Variants in KPNA5 observed in about 807,000 individuals in gnomAD.
KPNA5 encodes the protein importin subunit alpha-6.
A neutral mutation model predicts 71.3 loss-of-function variants in KPNA5; 46 were observed. The observed-to-expected ratio is 0.65, with a 90% CI of 0.51 to 0.83. The LOEUF is 0.83. KPNA5 is among the 40% of genes least tolerant of loss of function. The pLI is 0.00. For synonymous variants in KPNA5, 207 were observed against 201.4 expected (o/e 1.03, Z -0.24); for missense variants, 547 against 628.3 (o/e 0.87, Z 1.38).
At chr6:116,731,568 CTCA>C (rs1779483290) in intron 13 of KPNA5, among the ~76,000 whole-genome samples, 1 of 152,078 alleles carries the variant, frequency 6.6e-6, no homozygotes, top group African/African-American at 2.4e-5. Flanking sequence ...ATAGATTCTT[CTCA>C]TCTTTTCAAA....
At chr6:116,715,405 A>G (rs184283682) in intron 7 of KPNA5, among the ~76,000 whole-genome samples, 302 of 152,264 alleles carry the variant, frequency 2.0e-3, no homozygotes, top group Non-Finnish European at 2.8e-3. Flanking sequence ...GCTTTGAAAA[A>G]AATACCTATA....
At chr6:116,705,182 A>G (rs1186610459) in intron 7 of KPNA5, 22 bp downstream of exon 7, 8 of 1,518,870 alleles carry the variant, frequency 5.3e-6, no homozygotes, top group Non-Finnish European at 7.3e-6. Context: ...ATCACAATTA[A>G]GTATATATCA....
chr6:116,713,481 A>G (rs1050916859), intron 7 of KPNA5, among the ~76,000 whole-genome samples: 1 of 152,052 alleles, frequency 6.6e-6, no homozygotes, highest in Non-Finnish European at 1.5e-5. Context: ...TTTTGCTTTC[A>G]AGATTCTGTC....
rs369275804 is a variant in KPNA5, at chr6:116,705,168, C to T, written c.656+8C>T. On this transcript the variant is annotated splice_region_variant and intron_variant, in intron 7 of 13. Transcript: ENST00000368564. The stretch of plus-strand genomic sequence containing the variant: ...ACTTCCACCTCTTTTAGAGTAAGTA[C>T]TTTATCACAATTAAGTATATATCAA... 8.2e-6 allele frequency: 13 copies of T among 1,578,098 alleles called. No individual in the cohort carries two copies. The African/African-American group carries it at 1.5e-4, about 18-fold the overall frequency.
In KPNA5 at chr6:116,738,780, G is replaced by C. The variant is rs937033533; in HGVS notation, c.*6457G>C. ...GATTATCTCAACAAATGCAGAAAAG[G>C]CCTTCGACAAAATTCAACAACGCTT... is the stretch of plus-strand genomic sequence containing the variant. On this transcript the variant is annotated 3_prime_UTR_variant, in exon 14 of 14. Transcript: ENST00000368564. 3.3e-5 allele frequency: 5 copies of C among 152,104 alleles called. No individual in the cohort carries two copies. Among genetic ancestry groups the C allele is most frequent in the Non-Finnish European group, 7.4e-5 (5 of 68,024 alleles). The allele number at this position is 152,104 out of a possible 1,614,324, so 9.4% of individuals were successfully genotyped here.
At chr6:116,722,897 T>C (rs1262300818) in intron 9 of KPNA5, among the ~76,000 whole-genome samples, 2 of 152,224 alleles carry the variant, frequency 1.3e-5, no homozygotes, top group African/African-American at 4.8e-5. Flanking sequence ...CCTTCCTTTC[T>C]TCTTTTGTCG....
chr6:116,697,592 C>A (rs528868498), intron 4 of KPNA5, among the ~76,000 whole-genome samples: 5 of 151,998 alleles, frequency 3.3e-5, no homozygotes, highest in African/African-American at 1.2e-4. Flanking sequence ...TCATCCTACT[C>A]ATCAAACACA....
At chr6:116,718,727 G>C (rs1325936350) in intron 8 of KPNA5, among the ~76,000 whole-genome samples, 1 of 151,354 alleles carries the variant, frequency 6.6e-6, no homozygotes, top group East Asian at 1.9e-4. Context: ...TTATATGAGA[G>C]ATTTGTTTTT....
At chr6:116,698,893 A>AT (rs1304461872) in intron 5 of KPNA5, 95 bp downstream of exon 5, 1 of 598,842 alleles carries the variant, frequency 1.7e-6, no homozygotes, top group Non-Finnish European at 2.8e-6. Flanking sequence ...TATTGTAAGC[A>AT]TTAAGTGAAT....
At chr6:116,693,498 A>C (rs1453258142) in intron 4 of KPNA5, among the ~76,000 whole-genome samples, 1 of 152,098 alleles carries the variant, frequency 6.6e-6, no homozygotes, top group Non-Finnish European at 1.5e-5. Context: ...GATGATGAGC[A>C]TTTTTTTATG....
rs1272817515 is a variant in KPNA5 at position 116,739,106 on chromosome 6, T to C, written c.*6783T>C. ...ATGATTGTATATCTAGAAAACCCCA[T>C]TGTCTAAGCCCAAAATCTCCTTAAG... On this transcript the variant is annotated 3_prime_UTR_variant, in exon 14 of 14. Transcript: ENST00000368564. The C allele has an allele frequency of 6.6e-6, 1 of 152,128 alleles. No homozygotes were observed. Among genetic ancestry groups the C allele is most frequent in the South Asian group, 2.1e-4 (1 of 4,822 alleles). The allele number at this position is 152,128 out of a possible 1,614,324, so 9.4% of individuals were successfully genotyped here.
chr6:116,741,538 C>T lies in KPNA5; in HGVS notation c.*9215C>T, dbSNP rs1779872097. 6.6e-6 allele frequency: 1 copy of T among 152,272 alleles called. No individual in the cohort carries two copies. The highest frequency in any genetic ancestry group is 2.4e-5 in the African/African-American group (1 of 41,338). 9.4% of individuals were successfully genotyped at this position (152,272 alleles called of 1,614,324 possible). A position where few individuals can be genotyped will look rare whatever the true frequency, so the allele number is the denominator to read the frequency against. On this transcript the variant is annotated 3_prime_UTR_variant, in exon 14 of 14. Coordinates refer to ENST00000368564, the MANE Select transcript of KPNA5 (RefSeq NM_001366306.2). The stretch of plus-strand genomic sequence containing the variant: ...AGACTTTTTCATTGAATGATGAGGA[C>T]ACAGCAGCCATATTATGCCAAGAGG...
At chr6:116,708,231 T>G (rs1028488950) in intron 7 of KPNA5, among the ~76,000 whole-genome samples, 1 of 152,224 alleles carries the variant, frequency 6.6e-6, no homozygotes, top group Non-Finnish European at 1.5e-5. Context: ...AGGTTTTGTC[T>G]CAGTACTGGT....
At chr6:116,702,606 T>C (rs1259583729) in intron 6 of KPNA5, among the ~76,000 whole-genome samples, 1 of 151,996 alleles carries the variant, frequency 6.6e-6, no homozygotes, top group African/African-American at 2.4e-5. Context: ...GAGGCAGAGG[T>C]TGCAGAGAGC....
At chr6:116,714,273 T>G (rs1329218549) in intron 7 of KPNA5, among the ~76,000 whole-genome samples, 1 of 152,212 alleles carries the variant, frequency 6.6e-6, no homozygotes, top group African/African-American at 2.4e-5. Context: ...TTCCTTGTCA[T>G]GCGTGGTCTC....
rs758571824 is a variant in KPNA5 at position 116,732,510 on chromosome 6, T to G, written c.*187T>G. On this transcript the variant is annotated 3_prime_UTR_variant, in exon 14 of 14. Coordinates refer to ENST00000368564, the MANE Select transcript of KPNA5 (RefSeq NM_001366306.2). ...CTTTCATTGTAGTTTGTTGTTGTTT[T>G]AGTTTTGTTGTTGTGCCTGTATTTA... is the stretch of plus-strand genomic sequence containing the variant. The G allele has an allele frequency of 1.2e-4, 35 of 301,416 alleles. No individual in the cohort carries two copies. Among genetic ancestry groups the G allele is most frequent in the Non-Finnish European group, 1.8e-4 (30 of 162,994 alleles). The allele number at this position is 301,416 out of a possible 1,614,324, so 18.7% of individuals were successfully genotyped here. A position where few individuals can be genotyped will look rare whatever the true frequency, so the allele number is the denominator to read the frequency against.
At chr6:116,711,509 TTTTA>T (rs954886964) in intron 7 of KPNA5, among the ~76,000 whole-genome samples, 15 of 151,060 alleles carry the variant, frequency 9.9e-5, no homozygotes, top group African/African-American at 3.7e-4. Flanking sequence ...GTGTTTTTTT[TTTTA>T]TTTATCTCAA....
At chr6:116,694,348 A>C (rs914562550) in intron 4 of KPNA5, among the ~76,000 whole-genome samples, 3 of 152,126 alleles carry the variant, frequency 2.0e-5, no homozygotes, top group Admixed American at 2.0e-4. Flanking sequence ...TTTTCATGAT[A>C]TTGATTCTTC....
rs1779732387 is a variant in KPNA5 at position 116,737,983 on chromosome 6, A to T, written c.*5660A>T. On this transcript the variant is annotated 3_prime_UTR_variant, in exon 14 of 14. Coordinates refer to ENST00000368564, the MANE Select transcript of KPNA5 (RefSeq NM_001366306.2). The stretch of plus-strand genomic sequence containing the variant: ...AAGGTTGTTAAATGTTTAATTTGGG[A>T]AGGCTAAAAATTTACCTTGAAGTAC... The T allele has an allele frequency of 6.6e-6, 1 of 151,900 alleles. No individual in the cohort carries two copies. The highest frequency in any genetic ancestry group is 2.4e-5 in the African/African-American group (1 of 41,392). The allele number at this position is 151,900 out of a possible 1,614,324, so 9.4% of individuals were successfully genotyped here. A position where few individuals can be genotyped will look rare whatever the true frequency, so the allele number is the denominator to read the frequency against.
Sources: allele counts gnomAD v4.1 joint callset (sites outside exome capture counted in the v4.1 genomes callset), GRCh38; gene constraint gnomAD v4.1.1; transcripts MANE v1.5; gene names NCBI Gene and HGNC (gene_info 2026-07-23, HGNC 2026-07-21).